BDNF: variants seen among roughly 807,000 people sequenced by gnomAD.
The protein encoded by BDNF is brain derived neurotrophic factor.
BDNF carries 1 observed loss-of-function variant against 19.5 expected under a neutral mutation model. That is an observed-to-expected ratio of 0.05 (90% CI 0.02 to 0.24). The LOEUF (loss-of-function observed/expected upper bound fraction) is 0.24. BDNF is among the 10% of genes least tolerant of loss of function. The pLI, the probability that BDNF is intolerant of heterozygous loss-of-function variation, is 1.00. For missense variants in BDNF, 195 were observed against 317.6 expected (o/e 0.61, Z 2.93); for synonymous variants, 100 against 121.6 (o/e 0.82, Z 1.17).
chr11:27,661,000 A>C (rs1255490196), intron 1 of BDNF, among the ~76,000 whole-genome samples: 1 of 152,208 alleles, frequency 6.6e-6, no homozygotes, highest in Non-Finnish European at 1.5e-5. Context: ...TAACTTTATG[A>C]GAAAAATAAT....
chr11:27,693,433 T>TA (rs1858563421), intron 1 of BDNF, among the ~76,000 whole-genome samples: 1 of 152,202 alleles, frequency 6.6e-6, no homozygotes, highest in Non-Finnish European at 1.5e-5. Flanking sequence ...TACATTTAAG[T>TA]AAATGTAAAT....
At chr11:27,663,156 TA>T (rs1441367983) in intron 1 of BDNF, among the ~76,000 whole-genome samples, 3 of 152,148 alleles carry the variant, frequency 2.0e-5, no homozygotes, top group Admixed American at 6.5e-5. Flanking sequence ...AAAGATTAAG[TA>T]AGAGCTTCCA....
intron 1 of BDNF, chr11:27,660,229 T>G: frequency 8.1e-7 from 1 of 1,240,668 alleles, no homozygotes; most frequent in Non-Finnish European, 1.0e-6. Flanking sequence ...TCCACTTTTG[T>G]AAGAAATAAC....
At chr11:27,697,347 A>G (rs962668939) in intron 1 of BDNF, 4 of 152,230 alleles carry the variant, frequency 2.6e-5, no homozygotes, top group South Asian at 2.1e-4. Context: ...CATTTTGACT[A>G]TTGAAAAGCT....
At chr11:27,694,548 T>C (rs1184536707) in intron 1 of BDNF, among the ~76,000 whole-genome samples, 1 of 151,776 alleles carries the variant, frequency 6.6e-6, no homozygotes, top group Non-Finnish European at 1.5e-5. Flanking sequence ...TCCAAGAATT[T>C]TAAGTCAATT....
intron 1 of BDNF, among the ~76,000 whole-genome samples, chr11:27,691,900 G>A (rs1029380063): frequency 1.3e-5 from 2 of 152,100 alleles, no homozygotes; most frequent in African/African-American, 4.8e-5. Flanking sequence ...GGTGAACGGT[G>A]AGAAGTTTTC....
At chr11:27,683,095 G>A (rs1338840247) in intron 1 of BDNF, among the ~76,000 whole-genome samples, 4 of 152,008 alleles carry the variant, frequency 2.6e-5, no homozygotes, top group East Asian at 1.9e-4. Context: ...TTTAATGATC[G>A]CCATTCTAAC....
rs758200229 is a variant in BDNF, at chr11:27,658,526, A to G, written c.39T>C (p.Phe13=). 3.7e-6 allele frequency: 6 copies of G among 1,614,072 alleles called. No individual in the cohort carries two copies. The highest frequency in any genetic ancestry group is 4.2e-6 in the Non-Finnish European group (5 of 1,180,040). ...TCATGGGGGCAGCCTTCATGCAACC[A>G]AAGTATGAAATAACCATAGTAAGGA... ...ILFLTMVISY[F]GCMKAAPMKE... Residue 13 remains phenylalanine (F), a synonymous_variant, in exon 2 of 2, where the codon TTT becomes TTC. Coordinates refer to ENST00000356660, the MANE Select transcript of BDNF (RefSeq NM_001709.5). This position sits in a 1 kb window ranked among gnomAD's most constrained non-coding sequence, Gnocchi z 5.7.
At chr11:27,717,917 GTTTA>G (rs768889459) in intron 1 of BDNF, among the ~76,000 whole-genome samples, 26 of 151,522 alleles carry the variant, frequency 1.7e-4, no homozygotes, top group African/African-American at 4.8e-4. Flanking sequence ...CACTTTTGAG[GTTTA>G]TTTAAGTTGT....
chr11:27,698,226 CAAAAAAAAAAAAAAAAAA>C (rs10626744), intron 1 of BDNF: 8 of 80,822 alleles, frequency 9.9e-5, no homozygotes, highest in Non-Finnish European at 1.7e-4. Context: ...GTAAATTTCC[CAAAAAAAAAAAAAAAAAA>C]AAAAAAAAAA....
intron 1 of BDNF, among the ~76,000 whole-genome samples, chr11:27,716,450 C>CACAG (rs1214205385): frequency 1.8e-4 from 17 of 93,232 alleles, no homozygotes; most frequent in African/African-American, 2.4e-4. Flanking sequence ...TACACACACA[C>CACAG]ACACAGACAC....
At chr11:27,662,030 T>C (rs1853533785) in intron 1 of BDNF, among the ~76,000 whole-genome samples, 1 of 152,002 alleles carries the variant, frequency 6.6e-6, no homozygotes, top group East Asian at 1.9e-4. Flanking sequence ...CAAGACAGAG[T>C]CTTGCTCTGT....
At chr11:27,664,808 C>A (rs1854046179) in intron 1 of BDNF, among the ~76,000 whole-genome samples, 1 of 152,086 alleles carries the variant, frequency 6.6e-6, no homozygotes, top group South Asian at 2.1e-4. Flanking sequence ...TTGCTGTAAT[C>A]AATGAAGGCT....
In BDNF at chr11:27,710,183, G is replaced by A. The variant is rs1409231207; in HGVS notation, c.3+11229C>T. On this transcript the variant is annotated intron_variant, in intron 1 of 1. Transcript: ENST00000314915. ...TAAATCAGAGTGGAGGTGGGATGAA[G>A]TCTCTTCATAGACTTCCGCATCTTT... Among the ~76,000 whole-genome samples, 3 of 152,316 alleles carry A rather than the reference G, an allele frequency of 2.0e-5. No individual in the cohort carries two copies. The East Asian group carries it at 5.8e-4, about 29-fold the overall frequency.
intron 1 of BDNF, among the ~76,000 whole-genome samples, chr11:27,716,086 T>G (rs1298051207): frequency 6.6e-6 from 1 of 152,186 alleles, no homozygotes; most frequent in African/African-American, 2.4e-5. Context: ...CTCTGCACCA[T>G]AGTGTTTTAA....
chr11:27,711,772 G>A (rs972080250), intron 1 of BDNF, among the ~76,000 whole-genome samples: 1 of 152,198 alleles, frequency 6.6e-6, no homozygotes, highest in African/African-American at 2.4e-5. Flanking sequence ...AACAGCACTG[G>A]ATGAATGCAG....
chr11:27,694,469 C>T (rs1041062337), intron 1 of BDNF, among the ~76,000 whole-genome samples: 20 of 152,080 alleles, frequency 1.3e-4, no homozygotes, highest in African/African-American at 4.6e-4. Context: ...TATCAAAGTG[C>T]CTCCCCAGAA....
In BDNF at chr11:27,660,011, C is replaced by T. The variant is rs964036321; in HGVS notation, c.-21-1426G>A. ...AAAGAGTAGCATCCCCAGCCCTGAC[C>T]CTAATTTTATTCCTACTTCTCAGTT... is the stretch of plus-strand genomic sequence containing the variant. On this transcript the variant is annotated intron_variant, in intron 1 of 1. Transcript: ENST00000356660. The T allele has an allele frequency of 2.0e-5, 5 of 254,614 alleles. No individual in the cohort carries two copies. In the East Asian group the frequency reaches 8.3e-4, roughly 42 times the overall value. The allele number at this position is 254,614 out of a possible 1,614,324, so 15.8% of individuals were successfully genotyped here.
rs1852416337 is a variant in BDNF, at chr11:27,655,247, A to G, written c.*2574T>C. On this transcript the variant is annotated 3_prime_UTR_variant, in exon 2 of 2. Transcript: ENST00000356660. ...CAGCAAGACTTTAAAAAACAAAACAAAACAGAACAAGAACGAACACAACAG... is the reference window on the plus strand; with the variant it reads ...CAGCAAGACTTTAAAAAACAAAACAGAACAGAACAAGAACGAACACAACAG... The G allele has an allele frequency of 6.6e-6, 1 of 152,592 alleles. No homozygotes were observed. Among genetic ancestry groups the G allele is most frequent in the Admixed American group, 6.5e-5 (1 of 15,282 alleles). 9.5% of individuals were successfully genotyped at this position (152,592 alleles called of 1,614,324 possible). A position where few individuals can be genotyped will look rare whatever the true frequency, so the allele number is the denominator to read the frequency against.
Sources: gnomAD v4.1 joint callset for allele counts (sites outside exome capture counted in the v4.1 genomes callset) on GRCh38, gnomAD v4.1.1 for gene constraint, Gnocchi (gnomAD v3.1) non-coding constraint, MANE v1.5 for transcripts, NCBI Gene and HGNC (gene_info 2026-07-23, HGNC 2026-07-21) for gene names.